The following AKAP7 variants were observed in gnomAD, a reference collection of about 807,000 sequenced individuals.
AKAP7 encodes A-kinase anchoring protein 7.
In AKAP7, 39 loss-of-function variants were observed where a neutral mutation model predicts 39.5. That is an observed-to-expected ratio of 0.99 (90% CI 0.76 to 1.29). AKAP7 has a LOEUF of 1.29. Ranked by LOEUF, AKAP7 falls within the 50% of genes most tolerant of loss-of-function variation. AKAP7 has a pLI of 0.00. For synonymous variants in AKAP7, 140 were observed against 139.1 expected (o/e 1.01, Z -0.05); for missense variants, 414 against 407.7 (o/e 1.02, Z -0.13).
chr6:131,144,272 C>T (rs1361751379), intron 1 of AKAP7, among the ~76,000 whole-genome samples: 2 of 151,978 alleles, frequency 1.3e-5, no homozygotes, highest in African/African-American at 4.8e-5. Context: ...CAATGAGCCG[C>T]TGGGCACACC....
chr6:131,223,913 T>G (rs1177534565), intron 7 of AKAP7, among the ~76,000 whole-genome samples: 1 of 152,216 alleles, frequency 6.6e-6, no homozygotes, highest in Non-Finnish European at 1.5e-5. Flanking sequence ...CTTTCATTGC[T>G]CTTTTTCAGT....
chr6:131,223,619 A>G (rs138637946), intron 7 of AKAP7, among the ~76,000 whole-genome samples: 9 of 152,276 alleles, frequency 5.9e-5, no homozygotes, highest in African/African-American at 1.9e-4. Context: ...GGTTCATTGT[A>G]AATGGAAAAC....
intron 1 of AKAP7, among the ~76,000 whole-genome samples, chr6:131,142,881 G>GTGCC (rs1306539265): frequency 3.9e-5 from 6 of 152,258 alleles, no homozygotes; most frequent in Admixed American, 1.3e-4. Context: ...TTGCTCCAGT[G>GTGCC]TGCCCTGGAT....
chr6:131,132,202 A>G (rs1424662080), upstream of AKAP7, among the ~76,000 whole-genome samples: 2 of 151,580 alleles, frequency 1.3e-5, no homozygotes, highest in Non-Finnish European at 2.9e-5. Flanking sequence ...GGTCCCATCT[A>G]CTCGGGAAGT....
At chr6:131,245,009 G>T (rs1004188401) in intron 7 of AKAP7, among the ~76,000 whole-genome samples, 18 of 152,256 alleles carry the variant, frequency 1.2e-4, no homozygotes, top group African/African-American at 4.3e-4. Context: ...TTAAAAAAAA[G>T]ATTCTTGGCT....
intron 7 of AKAP7, among the ~76,000 whole-genome samples, chr6:131,275,051 T>G (rs1027070178): frequency 1.3e-5 from 2 of 152,210 alleles, no homozygotes; most frequent in African/African-American, 4.8e-5. Context: ...CTAGACTGAC[T>G]TGTGTGTGGT....
At chr6:131,217,995 T>G (rs568674719) in intron 6 of AKAP7, among the ~76,000 whole-genome samples, 1 of 152,304 alleles carries the variant, frequency 6.6e-6, no homozygotes, top group African/African-American at 2.4e-5. Context: ...AAATGTTATC[T>G]CGAATGAAGT....
At chr6:131,146,740 T>C (rs1408443583) in intron 2 of AKAP7, among the ~76,000 whole-genome samples, 2 of 152,166 alleles carry the variant, frequency 1.3e-5, no homozygotes, top group Non-Finnish European at 2.9e-5. Context: ...GTCTCTTCAT[T>C]TTGAGAAAAG....
chr6:131,274,948 C>T (rs887375919), intron 7 of AKAP7, among the ~76,000 whole-genome samples: 2 of 152,156 alleles, frequency 1.3e-5, no homozygotes, highest in Non-Finnish European at 2.9e-5. Context: ...ACCTTTTTAT[C>T]CCATCCCAAC....
intron 5 of AKAP7, among the ~76,000 whole-genome samples, chr6:131,180,873 C>T (rs774595487): frequency 6.8e-6 from 1 of 148,144 alleles, no homozygotes; most frequent in African/African-American, 2.5e-5. Flanking sequence ...TGTATCTTCT[C>T]AGCTTTCTTC....
chr6:131,264,934 T>A (rs1465580662), intron 7 of AKAP7, among the ~76,000 whole-genome samples: 1 of 152,106 alleles, frequency 6.6e-6, no homozygotes, highest in Non-Finnish European at 1.5e-5. Context: ...GAGAACTCAC[T>A]CATTATCATG....
intron 7 of AKAP7, among the ~76,000 whole-genome samples, chr6:131,246,097 A>G (rs1245513295): frequency 6.1e-5 from 4 of 65,612 alleles, no homozygotes; most frequent in African/African-American, 9.4e-5. Context: ...AAGTCCAAAT[A>G]TATATATATA....
At chr6:131,225,593 C>A (rs933224909) in intron 7 of AKAP7, among the ~76,000 whole-genome samples, 3 of 152,094 alleles carry the variant, frequency 2.0e-5, no homozygotes, top group East Asian at 1.9e-4. Flanking sequence ...TGATTTATTT[C>A]ATGACCATTA....
chr6:131,177,554 CCT>C (rs1804705205), intron 5 of AKAP7, among the ~76,000 whole-genome samples: 2 of 152,136 alleles, frequency 1.3e-5, no homozygotes, highest in Admixed American at 1.3e-4. Flanking sequence ...GGGATCCACC[CCT>C]GTGACCCAAA....
At chr6:131,245,922 TG>T (rs956976580) in intron 7 of AKAP7, among the ~76,000 whole-genome samples, 3 of 152,118 alleles carry the variant, frequency 2.0e-5, no homozygotes, top group Admixed American at 6.5e-5. Context: ...CTCTGCAAGT[TG>T]TCAGACTCAA....
chr6:131,178,325 T>C (rs1804771893), intron 5 of AKAP7, among the ~76,000 whole-genome samples: 1 of 152,204 alleles, frequency 6.6e-6, no homozygotes, highest in Non-Finnish European at 1.5e-5. Flanking sequence ...TAGTAACCGT[T>C]CTGAAAATAA....
intron 7 of AKAP7, among the ~76,000 whole-genome samples, chr6:131,276,810 C>A (rs1168641341): frequency 1.3e-5 from 2 of 152,054 alleles, no homozygotes; most frequent in African/African-American, 4.8e-5. Flanking sequence ...AAAAAATTAG[C>A]CTGATTTGTT....
intron 2 of AKAP7, among the ~76,000 whole-genome samples, chr6:131,152,393 T>TAAAA (rs1801994712): frequency 2.0e-5 from 3 of 152,254 alleles, no homozygotes; most frequent in African/African-American, 7.2e-5. Context: ...TAATATCCAG[T>TAAAA]TGTATTTTAG....
Position 131,135,603 on chromosome 6 carries a change from C to T in AKAP7, c.-161C>T. The T allele has an allele frequency of 1.9e-6, 1 of 538,984 alleles. No individual in the cohort carries two copies. The highest frequency in any genetic ancestry group is 2.4e-6 in the Non-Finnish European group (1 of 421,020). The allele number at this position is 538,984 out of a possible 1,614,324, so 33.4% of individuals were successfully genotyped here. Reference sequence around the variant, plus strand: ...GCAGGCCTGGCCTCCGCCGCCCGGGCCCCCGCAGCCTGTCGCTGGACCCCG... The same window carrying T: ...GCAGGCCTGGCCTCCGCCGCCCGGGTCCCCGCAGCCTGTCGCTGGACCCCG... On this transcript the variant is annotated 5_prime_UTR_variant, in exon 1 of 8. Transcript: ENST00000431975.
Sources: gnomAD v4.1 joint callset for allele counts (sites outside exome capture counted in the v4.1 genomes callset) on GRCh38, gnomAD v4.1.1 for gene constraint, MANE v1.5 for transcripts, NCBI Gene and HGNC (gene_info 2026-07-23, HGNC 2026-07-21) for gene names.